Variants in RBFOX1 observed in about 807,000 individuals in gnomAD.
RBFOX1 encodes the protein RNA binding protein fox-1 homolog 1.
RBFOX1 carries 8 observed loss-of-function variants against 57.7 expected under a neutral mutation model. The ratio of observed to expected loss-of-function variants is 0.14; its 90% CI spans 0.08 to 0.25. The LOEUF (loss-of-function observed/expected upper bound fraction) is 0.25. Ranked by LOEUF, RBFOX1 falls within the 10% of genes least tolerant of loss-of-function variation. The probability of loss-of-function intolerance (pLI) is 1.00; values close to 1 mark genes in which losing one functional copy is unlikely to be tolerated. For synonymous variants in RBFOX1, 326 were observed against 222.4 expected (o/e 1.47, Z -4.15); for missense variants, 611 against 548.5 (o/e 1.11, Z -1.14).
At chr16:6,574,422 C>CTTTTTT (rs1209143561) in intron 2 of RBFOX1, among the ~76,000 whole-genome samples, 1 of 96,526 alleles carries the variant, frequency 1.0e-5, no homozygotes, top group Non-Finnish European at 2.1e-5. Context: ...TCCGTATCTT[C>CTTTTTT]TATTTTTTTT....
At chr16:6,798,073 A>G (rs1486939819) in intron 3 of RBFOX1, among the ~76,000 whole-genome samples, 1 of 152,098 alleles carries the variant, frequency 6.6e-6, no homozygotes, top group Non-Finnish European at 1.5e-5. Context: ...GCATGTTAGA[A>G]AGACTATAAA....
intron 3 of RBFOX1, among the ~76,000 whole-genome samples, chr16:6,975,475 C>G (rs895563097): frequency 6.6e-6 from 1 of 152,028 alleles, no homozygotes; most frequent in Non-Finnish European, 1.5e-5. Context: ...CCATCTTGGC[C>G]AAGCTGGTCT....
intron 3 of RBFOX1, among the ~76,000 whole-genome samples, chr16:6,669,886 T>C (rs1039854815): frequency 2.0e-5 from 3 of 152,152 alleles, no homozygotes; most frequent in South Asian, 2.1e-4. Context: ...ACGGCACTTA[T>C]CATCCTAAGT....
chr16:6,998,603 G>A (rs1052093131), intron 3 of RBFOX1, among the ~76,000 whole-genome samples: 7 of 152,224 alleles, frequency 4.6e-5, no homozygotes, highest in South Asian at 2.1e-4. Flanking sequence ...CATTGTGATC[G>A]ATGACTTTTG....
chr16:6,921,682 C>T lies in RBFOX1; in HGVS notation c.-15-130375C>T, dbSNP rs972933449. Among the ~76,000 whole-genome samples, 8 of 149,314 alleles carry T rather than the reference C, an allele frequency of 5.4e-5. No individual in the cohort carries two copies. The South Asian group carries it at 1.7e-3, about 31-fold the overall frequency. On this transcript the variant is annotated intron_variant, in intron 3 of 15. Coordinates refer to ENST00000550418, the MANE Select transcript of RBFOX1 (RefSeq NM_018723.4). Reference sequence around the variant, plus strand: ...CTTAGGGTTGCTTTCAATCAATAGACAGTATGGCAGGCAGAGGTGATGGAA... The same window carrying T: ...CTTAGGGTTGCTTTCAATCAATAGATAGTATGGCAGGCAGAGGTGATGGAA...
rs1298704275 is a variant in RBFOX1 at position 5,820,774 on chromosome 16, G to C, written c.319-46529G>C. On this transcript the variant is annotated intron_variant, in intron 3 of 19. Transcript: ENST00000641259. Reference sequence around the variant, plus strand: ...CCTGTGCTCTCCCAGCCTCACAGGGGTTTAAGACGATCAGACAGTTAGACA... The same window carrying C: ...CCTGTGCTCTCCCAGCCTCACAGGGCTTTAAGACGATCAGACAGTTAGACA... Among the ~76,000 whole-genome samples the C allele has an allele frequency of 2.0e-5, 3 of 152,120 alleles. No individual in the cohort carries two copies. In the South Asian group the frequency reaches 6.2e-4, roughly 31 times the overall value.
chr16:6,633,592 C>T (rs936604722), intron 2 of RBFOX1, among the ~76,000 whole-genome samples: 1 of 152,150 alleles, frequency 6.6e-6, no homozygotes, highest in African/African-American at 2.4e-5. Context: ...CTGCGCCTGG[C>T]CACATGTTCT....
intron 4 of RBFOX1, among the ~76,000 whole-genome samples, chr16:7,134,933 T>C (rs1426299126): frequency 6.6e-6 from 1 of 152,142 alleles, no homozygotes; most frequent in Non-Finnish European, 1.5e-5. Context: ...TATCTTTTTT[T>C]TTTTTCAATT....
chr16:6,376,968 C>T (rs1215561644), intron 2 of RBFOX1, among the ~76,000 whole-genome samples: 2 of 151,844 alleles, frequency 1.3e-5, no homozygotes, highest in African/African-American at 2.4e-5. Flanking sequence ...CTTCCTTCTT[C>T]TTATAAAGGT....
chr16:5,588,090 G>C (rs2046891710), intron 2 of RBFOX1, among the ~76,000 whole-genome samples: 1 of 152,192 alleles, frequency 6.6e-6, no homozygotes. Context: ...ATGATGCTGA[G>C]AGAAAGAAGC....
intron 6 of RBFOX1, among the ~76,000 whole-genome samples, chr16:7,581,050 C>T (rs557071164): frequency 2.6e-5 from 4 of 152,252 alleles, no homozygotes; most frequent in African/African-American, 9.6e-5. Context: ...TACTCAAAGG[C>T]ACTGTGTGTT....
intron 1 of RBFOX1, among the ~76,000 whole-genome samples, chr16:5,380,116 G>GC (rs1177207730): frequency 1.3e-5 from 2 of 152,158 alleles, no homozygotes; most frequent in Non-Finnish European, 2.9e-5. Flanking sequence ...TTTTGAGTGT[G>GC]CCCCAGATTG....
intron 4 of RBFOX1, among the ~76,000 whole-genome samples, chr16:5,921,376 A>C (rs1479773825): frequency 6.6e-6 from 1 of 152,148 alleles, no homozygotes; most frequent in African/African-American, 2.4e-5. Context: ...CTTAAGATGC[A>C]AGGTGGAATC....
intron 1 of RBFOX1, among the ~76,000 whole-genome samples, chr16:5,435,303 G>A (rs1334799172): frequency 6.6e-6 from 1 of 152,164 alleles, no homozygotes; most frequent in Non-Finnish European, 1.5e-5. Context: ...ATGTGGATCT[G>A]TTTCCCCACC....
intron 4 of RBFOX1, among the ~76,000 whole-genome samples, chr16:7,514,855 G>A (rs1277621328): frequency 6.6e-6 from 1 of 152,192 alleles, no homozygotes; most frequent in African/African-American, 2.4e-5. Flanking sequence ...CACTTTTCCT[G>A]AGCTTGCTCT....
chr16:6,997,284 C>T (rs901430655), intron 3 of RBFOX1, among the ~76,000 whole-genome samples: 2 of 152,052 alleles, frequency 1.3e-5, no homozygotes, highest in African/African-American at 4.8e-5. Context: ...AAAAAGTCTG[C>T]CACCAATACA....
chr16:6,039,789 GC>G (rs1227266532), intron 1 of RBFOX1, among the ~76,000 whole-genome samples: 1 of 152,206 alleles, frequency 6.6e-6, no homozygotes, highest in African/African-American at 2.4e-5. Flanking sequence ...AATGAAAACA[GC>G]TATCTTTTGA....
intron 4 of RBFOX1, among the ~76,000 whole-genome samples, chr16:7,095,108 CTTTCTTT>C (rs1039588870): frequency 6.6e-6 from 1 of 151,932 alleles, no homozygotes; most frequent in Non-Finnish European, 1.5e-5. Context: ...TTCTTTCTTT[CTTTCTTT>C]TTTCTTTTTC....
intron 4 of RBFOX1, among the ~76,000 whole-genome samples, chr16:7,449,110 G>A (rs1392534390): frequency 6.6e-6 from 1 of 151,762 alleles, no homozygotes; most frequent in Non-Finnish European, 1.5e-5. Flanking sequence ...TGTATTTTTA[G>A]TAGAGACGGG....
Sources: allele counts gnomAD v4.1 joint callset (sites outside exome capture counted in the v4.1 genomes callset), GRCh38; gene constraint gnomAD v4.1.1; transcripts MANE v1.5; gene names NCBI Gene and HGNC (gene_info 2026-07-23, HGNC 2026-07-21).